Variants in ADGRA2 observed in about 807,000 individuals in gnomAD.
ADGRA2 encodes G-protein coupled receptor 124.
In ADGRA2, 61 loss-of-function variants were observed where a neutral mutation model predicts 98.7. The observed-to-expected ratio is 0.62, with a 90% CI of 0.50 to 0.76. The LOEUF (loss-of-function observed/expected upper bound fraction) is 0.76. Among genes scored for constraint, ADGRA2 ranks in the 30% least tolerant of loss-of-function variants. The pLI is 0.00. For synonymous variants in ADGRA2, 858 were observed against 831.5 expected, an observed-to-expected ratio of 1.03 and a Z score of -0.55; for missense variants, 1,712 against 1,860.0, an observed-to-expected ratio of 0.92 and a Z score of 1.46.
intron 1 of ADGRA2, among the ~76,000 whole-genome samples, chr8:37,803,507 C>T (rs995752200): frequency 9.2e-5 from 14 of 152,200 alleles, no homozygotes; most frequent in African/African-American, 3.4e-4. Flanking sequence ...TTCATTCCCC[C>T]AGCCCAGCCG....
intron 12 of ADGRA2, 51 bp from the exon 13 acceptor site, chr8:37,835,503 C>A: frequency 6.7e-7 from 1 of 1,495,698 alleles, no homozygotes; most frequent in Non-Finnish European, 9.3e-7. Context: ...TGCAAGACAT[C>A]AGTGCTCTAG....
At chr8:37,807,541 T>G (rs1804711926) in intron 1 of ADGRA2, among the ~76,000 whole-genome samples, 1 of 152,182 alleles carries the variant, frequency 6.6e-6, no homozygotes, top group Non-Finnish European at 1.5e-5. Flanking sequence ...CTTTTTTAGG[T>G]TTTAGGCATC....
chr8:37,832,839 G>T (rs1805493899), intron 8 of ADGRA2, among the ~76,000 whole-genome samples, 171 bp from the exon 9 acceptor site: 1 of 152,152 alleles, frequency 6.6e-6, no homozygotes, highest in Non-Finnish European at 1.5e-5. Context: ...TGATAGCCCG[G>T]TCAGAACAAA....
At chr8:37,828,586 A>C (rs531290894) in intron 2 of ADGRA2, among the ~76,000 whole-genome samples, 1 of 146,502 alleles carries the variant, frequency 6.8e-6, no homozygotes, top group South Asian at 2.1e-4. Flanking sequence ...TCCCGGGTTC[A>C]AGCAATTCTC....
rs139041191 is a variant in ADGRA2, at chr8:37,830,778, C to G, written c.787C>G (p.Arg263Gly). 1.4e-5 allele frequency: 23 copies of G among 1,598,690 alleles called. No individual in the cohort carries two copies. The highest frequency in any genetic ancestry group is 1.8e-5 in the Non-Finnish European group (21 of 1,173,272). The stretch of plus-strand genomic sequence containing the variant: ...ACGCCAAGTGGTGTTCCAGGGGGAT[C>G]GGCTGCCCTTCCAGTGCTCTGCCAG... ...SLRQVVFQGD[R>G]LPFQCSASYL... is the part of the protein sequence containing the mutation. The change falls in exon 7 of 19, where the codon CGG (arginine) becomes GGG (glycine). Residue 263 changes from arginine (R) to glycine (G), a missense_variant. Arg to Gly is a moderately radical substitution (Grantham distance 125). Coordinates refer to ENST00000412232, the MANE Select transcript of ADGRA2 (RefSeq NM_032777.10). This position sits in a 1 kb window ranked among gnomAD's most constrained non-coding sequence, Gnocchi z 4.8.
intron 1 of ADGRA2, among the ~76,000 whole-genome samples, chr8:37,812,981 C>T (rs1024260124): frequency 5.9e-5 from 9 of 152,138 alleles, no homozygotes; most frequent in Admixed American, 6.6e-5. Flanking sequence ...AGCCACCACA[C>T]CCAGCCCCTT....
In ADGRA2 at chr8:37,844,177, T is replaced by C. The variant is rs528708421; in HGVS notation, c.*1822T>C. On this transcript the variant is annotated 3_prime_UTR_variant, in exon 19 of 19. Coordinates refer to ENST00000412232, the MANE Select transcript of ADGRA2 (RefSeq NM_032777.10). ...AGGCCTGCAGGAGGAGCCGCAGCAG[T>C]GTGTCCAATTCAAACCAGCAGCAAA... 3 of 328,012 alleles carry C rather than the reference T, an allele frequency of 9.1e-6. No homozygotes were observed. Among genetic ancestry groups the C allele is most frequent in the African/African-American group, 4.1e-5 (2 of 48,388 alleles). The allele number at this position is 328,012 out of a possible 1,614,324, so 20.3% of individuals were successfully genotyped here.
chr8:37,830,947 C>G lies in ADGRA2; in HGVS notation c.932+24C>G. 1 of 1,529,156 alleles carries G rather than the reference C, an allele frequency of 6.5e-7. No homozygotes were observed. Among genetic ancestry groups the G allele is most frequent in the Non-Finnish European group, 8.9e-7 (1 of 1,128,724 alleles). 94.7% of individuals were successfully genotyped at this position (1,529,156 alleles called of 1,614,324 possible). A position where few individuals can be genotyped will look rare whatever the true frequency, so the allele number is the denominator to read the frequency against. ...AGGTATGAGCCCCGCTGCCCCTCCT[C>G]AGGCCTCAGCATGGGGTTAGGGGAC... is the stretch of plus-strand genomic sequence containing the variant. On this transcript the variant is annotated intron_variant, in intron 7 of 18. Coordinates refer to ENST00000412232, the MANE Select transcript of ADGRA2 (RefSeq NM_032777.10). The surrounding 1 kb of genome is among the most constrained non-coding windows in gnomAD (Gnocchi z 4.8).
In ADGRA2 at chr8:37,811,174, T is replaced by TTG. The variant is rs1554523212; in HGVS notation, c.267-3721_267-3720insGT. 3.4e-4 allele frequency among the ~76,000 whole-genome samples: 50 copies of TTG among 146,128 alleles called. 1 individual carries two copies. The highest frequency in any genetic ancestry group is 5.9e-4 in the Non-Finnish European group (39 of 66,272). ...ATACTGTGTGTGTGTGTGTGTTTTT[T>TTG]TTTTTTTTTTTTGAGACGGAGTTTC... On this transcript the variant is annotated intron_variant, in intron 1 of 18. Transcript: ENST00000412232.
chr8:37,825,410 ATTT>A (rs750368833), intron 2 of ADGRA2, among the ~76,000 whole-genome samples: 1 of 138,104 alleles, frequency 7.2e-6, no homozygotes. Flanking sequence ...CATTGGCTAA[ATTT>A]TTTTTTTTTT....
chr8:37,839,477 A>C, intron 15 of ADGRA2, 22 bp from the exon 16 acceptor site: 1 of 1,613,798 alleles, frequency 6.2e-7, no homozygotes, highest in Non-Finnish European at 8.5e-7. Context: ...ACGGCCATTA[A>C]TTCGAGACTG....
At position 37,844,630 on chromosome 8, in the gene ADGRA2, G is replaced by C; in HGVS notation, c.*2275G>C. On this transcript the variant is annotated 3_prime_UTR_variant, in exon 19 of 19. Transcript: ENST00000412232. Reference sequence around the variant, plus strand: ...TCATCTCCAGTGACAGTGGAGACAGGGGGTACAGGGCAGATCCGCTTCGGG... The same window carrying C: ...TCATCTCCAGTGACAGTGGAGACAGCGGGTACAGGGCAGATCCGCTTCGGG... The C allele has an allele frequency of 7.4e-6, 12 of 1,614,060 alleles. No homozygotes were observed. The highest frequency in any genetic ancestry group is 1.0e-5 in the Non-Finnish European group (12 of 1,180,012).
At chr8:37,826,098 G>A (rs569945386) in intron 2 of ADGRA2, among the ~76,000 whole-genome samples, 1 of 152,168 alleles carries the variant, frequency 6.6e-6, no homozygotes, top group African/African-American at 2.4e-5. Flanking sequence ...AGGGGGCCCG[G>A]GGAGGAAATG....
chr8:37,837,583 C>T lies in ADGRA2; in HGVS notation c.2051-148C>T. Reference sequence around the variant, plus strand: ...ATTAGACTGAGGCTGTCCTTGGCATCTCACCGCATGCCCCCAGCCCAGCAC... The same window carrying T: ...ATTAGACTGAGGCTGTCCTTGGCATTTCACCGCATGCCCCCAGCCCAGCAC... On this transcript the variant is annotated intron_variant, in intron 13 of 18. Transcript: ENST00000412232. 3 of 687,428 alleles carry T rather than the reference C, an allele frequency of 4.4e-6. No homozygotes were observed. In the East Asian group the frequency reaches 8.2e-5, roughly 19 times the overall value. The allele number at this position is 687,428 out of a possible 1,614,324, so 42.6% of individuals were successfully genotyped here.
At chr8:37,798,311 G>T (rs1409650235) in intron 1 of ADGRA2, among the ~76,000 whole-genome samples, 1 of 152,226 alleles carries the variant, frequency 6.6e-6, no homozygotes, top group Non-Finnish European at 1.5e-5. Flanking sequence ...AAAGAAACGC[G>T]GCTGGGGAAG....
At chr8:37,803,188 T>C (rs762760791) in intron 1 of ADGRA2, among the ~76,000 whole-genome samples, 7 of 152,228 alleles carry the variant, frequency 4.6e-5, no homozygotes, top group Non-Finnish European at 7.3e-5. Flanking sequence ...ATGGGAGTCA[T>C]TGGGAGAAGA....
rs939123121 is a variant in ADGRA2 at position 37,809,657 on chromosome 8, C to A, written c.267-5239C>A. Among the ~76,000 whole-genome samples the A allele has an allele frequency of 3.9e-5, 6 of 152,310 alleles. No homozygotes were observed. The South Asian group carries it at 1.0e-3, about 26-fold the overall frequency. On this transcript the variant is annotated intron_variant, in intron 1 of 18. Transcript: ENST00000412232. ...TGGGTCAGAGGGTGGGGCATCAGGACCATGTTCTCTGCAGCAAGAAAATAT... is the reference window on the plus strand; with the variant it reads ...TGGGTCAGAGGGTGGGGCATCAGGAACATGTTCTCTGCAGCAAGAAAATAT...
At chr8:37,837,654 C>G (rs1454140494) in intron 13 of ADGRA2, 77 bp from the exon 14 acceptor site, 2 of 1,221,936 alleles carry the variant, frequency 1.6e-6, no homozygotes, top group Non-Finnish European at 2.3e-6. Context: ...GTCACTGCTG[C>G]TGCTGCTGAG....
intron 2 of ADGRA2, among the ~76,000 whole-genome samples, chr8:37,816,927 AACACACACACACACACACACAC>A (rs3050620): frequency 0.2 from 26,616 of 131,982 alleles, 2,864 homozygotes; most frequent in Middle Eastern, 0.36. Context: ...AAGAAAGCAA[AACACACACACACACACACACAC>A]ACACACACAC....
Sources: allele counts gnomAD v4.1 joint callset (sites outside exome capture counted in the v4.1 genomes callset), GRCh38; gene constraint gnomAD v4.1.1; non-coding constraint Gnocchi (gnomAD v3.1); transcripts MANE v1.5; gene names NCBI Gene and HGNC (gene_info 2026-07-23, HGNC 2026-07-21).